Variants in AP5Z1 observed in about 807,000 individuals in gnomAD.
AP5Z1 encodes the protein adaptor related protein complex 5 subunit zeta 1, also known as AP-5 complex subunit zeta-1.
Under a neutral mutation model 83.0 loss-of-function variants are expected in AP5Z1, and 106 were observed. That is an observed-to-expected ratio of 1.28 (90% CI 1.09 to 1.50). The LOEUF is 1.50. AP5Z1 is among the 40% of genes most tolerant of loss of function. The probability of loss-of-function intolerance (pLI) is 0.00; values close to 1 mark genes in which losing one functional copy is unlikely to be tolerated. For missense variants in AP5Z1, 1,565 were observed against 1,094.2 expected (o/e 1.43, Z -6.07); for synonymous variants, 751 against 514.1 (o/e 1.46, Z -6.23).
Position 4,788,861 on chromosome 7 carries a change from G to A in AP5Z1, c.1617G>A (p.Leu539=), listed in dbSNP as rs569601905. The A allele has an allele frequency of 6.2e-7, 1 of 1,608,686 alleles. No individual in the cohort carries two copies. Among genetic ancestry groups the A allele is most frequent in the South Asian group, 1.1e-5 (1 of 90,708 alleles). Residue 539 remains leucine (L), a synonymous_variant, in exon 13 of 17, where the codon CTG becomes CTA. Coordinates refer to ENST00000649063, the MANE Select transcript of AP5Z1 (RefSeq NM_014855.3). The stretch of plus-strand genomic sequence containing the variant: ...TCAGGTTGGCGCCACTCCACCAGCT[G>A]CTGCAGCCCATGGCCGGCTGTGCCC... The part of the protein sequence containing the change: ...ATERLAPLHQ[L]LQPMAGCARV...
intron 14 of AP5Z1, 158 bp downstream of exon 14, chr7:4,790,087 C>T (rs1781707131): frequency 1.5e-6 from 2 of 1,302,690 alleles, no homozygotes; most frequent in Non-Finnish European, 2.1e-6. Flanking sequence ...GCCCCACACC[C>T]AGCCCCAGGC....
Position 4,791,325 on chromosome 7 carries a change from C to A in AP5Z1, c.2364C>A (p.Pro788=), listed in dbSNP as rs1192733712. 1 of 1,609,874 alleles carries A rather than the reference C, an allele frequency of 6.2e-7. No homozygotes were observed. The highest frequency in any genetic ancestry group is 2.2e-5 in the East Asian group (1 of 44,794). ...ACCGCGATGCCAACACGGCCCTGCC[C>A]CTGGCCCTGCGCACGGTCAGCCGGC... ...RYHRDANTAL[P]LALRTVSRLV... The change falls in exon 17 of 17, where the codon CCC becomes CCA. Residue 788 remains proline, a synonymous_variant. Transcript: ENST00000649063.
At position 4,775,724 on chromosome 7, in the gene AP5Z1, G is replaced by C. The variant is rs1282231099; in HGVS notation, c.9G>C (p.Ser3=). The change falls in exon 1 of 17, where the codon TCG becomes TCC. Residue 3 remains serine (S), a synonymous_variant. Transcript: ENST00000649063. ...CTGGTGGCGGCGGCGTGATGTTCTC[G>C]GCAGGAGCGGAGAGTTTGCTCCACC... MF[S]AGAESLLHQA... 2 of 1,606,512 alleles carry C rather than the reference G, an allele frequency of 1.2e-6. No individual in the cohort carries two copies. Among genetic ancestry groups the C allele is most frequent in the East Asian group, 2.2e-5 (1 of 44,844 alleles).
chr7:4,787,915 C>A, intron 11 of AP5Z1, 139 bp downstream of exon 11: 1 of 1,221,136 alleles, frequency 8.2e-7, no homozygotes, highest in South Asian at 1.6e-5. Flanking sequence ...TCCTCCCCTG[C>A]AAAGCCACCT....
Position 4,789,813 on chromosome 7 carries a change from T to A in AP5Z1, c.1708-19T>A. ...CAGTGGGGGTGGGGCTGAGCCTGTT[T>A]CCCACTCCTGACCCCCAGGTGGCTG... On this transcript the variant is annotated intron_variant, in intron 13 of 16. Coordinates refer to ENST00000649063, the MANE Select transcript of AP5Z1 (RefSeq NM_014855.3). 1.3e-6 allele frequency: 2 copies of A among 1,548,550 alleles called. No individual in the cohort carries two copies. The highest frequency in any genetic ancestry group is 1.7e-6 in the Non-Finnish European group (2 of 1,145,232).
rs1781843250 is a variant in AP5Z1 at position 4,793,238 on chromosome 7, A to C, written c.*1853A>C. 1 of 152,310 alleles carries C rather than the reference A, an allele frequency of 6.6e-6. No homozygotes were observed. The highest frequency in any genetic ancestry group is 1.5e-5 in the Non-Finnish European group (1 of 68,062). 9.4% of individuals were successfully genotyped at this position (152,310 alleles called of 1,614,324 possible). A position where few individuals can be genotyped will look rare whatever the true frequency, so the allele number is the denominator to read the frequency against. On this transcript the variant is annotated 3_prime_UTR_variant, in exon 17 of 17. Coordinates refer to ENST00000649063, the MANE Select transcript of AP5Z1 (RefSeq NM_014855.3). The stretch of plus-strand genomic sequence containing the variant: ...CCAGGAGGCAGCTGGGAAAAGGGCA[A>C]AGCTCACCAGCTCTCAACTTTTTTT...
rs1562414945 is a variant in AP5Z1, at chr7:4,790,787, CGCCCCTCTGCT to C, written c.2058_2068del (p.Ser687AlafsTer72). ...TCTGCTATTCGAGGTCACCCAGTGC[CGCCCCTCTGCT>C]GCCCTGCCCAGGTGTCCCCCCCAGG... On this transcript the variant is annotated frameshift_variant, in exon 16 of 17. Transcript: ENST00000649063. LOFTEE classifies it high-confidence loss of function. 6 of 1,608,858 alleles carry C rather than the reference CGCCCCTCTGCT, an allele frequency of 3.7e-6. No individual in the cohort carries two copies. Among genetic ancestry groups the C allele is most frequent in the Non-Finnish European group, 5.1e-6 (6 of 1,178,720 alleles).
intron 1 of AP5Z1, among the ~76,000 whole-genome samples, chr7:4,777,274 C>G (rs1407843884): frequency 6.6e-6 from 1 of 152,120 alleles, no homozygotes; most frequent in East Asian, 1.9e-4. Context: ...AGGAAAAACA[C>G]CCACTGAGAA....
At chr7:4,787,361 C>T (rs952829951) in intron 10 of AP5Z1, among the ~76,000 whole-genome samples, 2 of 152,078 alleles carry the variant, frequency 1.3e-5, no homozygotes, top group Admixed American at 6.5e-5. Context: ...TGGTGTGTGC[C>T]TGTAGTCTCA....
Position 4,791,597 on chromosome 7 carries a change from C to G in AP5Z1, c.*212C>G, listed in dbSNP as rs1781776744. 1.5e-6 allele frequency: 1 copy of G among 688,912 alleles called. No homozygotes were observed. The highest frequency in any genetic ancestry group is 2.4e-6 in the Non-Finnish European group (1 of 424,290). 42.7% of individuals were successfully genotyped at this position (688,912 alleles called of 1,614,324 possible). A position where few individuals can be genotyped will look rare whatever the true frequency, so the allele number is the denominator to read the frequency against. ...CCGAGCCTTTTGCTCCCAGGCAACA[C>G]TGAGCTGAGCTGAGGGGTGCCATGG... On this transcript the variant is annotated 3_prime_UTR_variant, in exon 17 of 17. Coordinates refer to ENST00000649063, the MANE Select transcript of AP5Z1 (RefSeq NM_014855.3).
At chr7:4,786,894 C>T (rs1319425561) in intron 10 of AP5Z1, among the ~76,000 whole-genome samples, 1 of 152,144 alleles carries the variant, frequency 6.6e-6, no homozygotes, top group African/African-American at 2.4e-5. Flanking sequence ...CGTCAGCCAC[C>T]TGAGTAGTTG....
intron 1 of AP5Z1, among the ~76,000 whole-genome samples, chr7:4,780,874 C>G (rs1781362580): frequency 6.6e-6 from 1 of 152,160 alleles, no homozygotes; most frequent in African/African-American, 2.4e-5. Context: ...AATGAGACCC[C>G]TAAAAAGAAT....
rs779038735 is a variant in AP5Z1, at chr7:4,785,465, G to T, written c.969+13G>T. ...CCTGCAGAAAGCTGTAAGTGGCTGG[G>T]GACCAGGGGATGGGAGGCAGCGACT... On this transcript the variant is annotated intron_variant, in intron 8 of 16. Coordinates refer to ENST00000649063, the MANE Select transcript of AP5Z1 (RefSeq NM_014855.3). 6.2e-7 allele frequency: 1 copy of T among 1,613,222 alleles called. No individual in the cohort carries two copies.
chr7:4,791,085 G>A (rs772886748), intron 16 of AP5Z1, 30 bp from the exon 17 acceptor site: 10 of 1,540,162 alleles, frequency 6.5e-6, no homozygotes, highest in Non-Finnish European at 7.9e-6. Flanking sequence ...GGGAGCATCT[G>A]CAGCTGACGG....
chr7:4,777,725 C>G (rs1312606895), intron 1 of AP5Z1, among the ~76,000 whole-genome samples: 2 of 152,138 alleles, frequency 1.3e-5, no homozygotes, highest in Non-Finnish European at 2.9e-5. Flanking sequence ...TCTCTGCCTC[C>G]CTGGCTCGGG....
chr7:4,776,697 T>C (rs112620119), intron 1 of AP5Z1, among the ~76,000 whole-genome samples: 19,613 of 151,890 alleles, frequency 0.13, 2,164 homozygotes, highest in African/African-American at 0.3. Context: ...ATGGCGCCAC[T>C]GCACTCCAGG....
Position 4,783,776 on chromosome 7 carries a change from T to C in AP5Z1, c.599T>C (p.Phe200Ser), listed in dbSNP as rs984863672. 1.9e-6 allele frequency: 3 copies of C among 1,549,642 alleles called. No homozygotes were observed. The highest frequency in any genetic ancestry group is 2.7e-5 in the African/African-American group (2 of 73,026). The change falls in exon 5 of 17, where the codon TTC (phenylalanine) becomes TCC (serine). Residue 200 changes from phenylalanine to serine, a missense_variant. By Grantham distance (155) the Phe-to-Ser change is radical. Coordinates refer to ENST00000649063, the MANE Select transcript of AP5Z1 (RefSeq NM_014855.3). The part of the protein sequence containing the change: ...QQGLPHSGGF[F>S]STPRARQPGP... ...GGGCTCCCACACTCCGGCGGCTTCT[T>C]CTCCACGCCCAGGGCCCGGCAGGTG... is the stretch of plus-strand genomic sequence containing the variant.
rs752742753 is a variant in AP5Z1, at chr7:4,790,694, C to G, written c.1960C>G (p.Leu654Val). 1.9e-6 allele frequency: 3 copies of G among 1,611,740 alleles called. No individual in the cohort carries two copies. The highest frequency in any genetic ancestry group is 1.1e-5 in the South Asian group (1 of 90,948). ...CTAGGTGTGGGCCATCGGCGAGTAC[C>G]TGTCGGTGACCTACGATCGGAGGTG... Reference protein sequence around the residue: ...TSVVWAIGEYLSVTYDRRCTV... With the variant: ...TSVVWAIGEYVSVTYDRRCTV... The change falls in exon 16 of 17, where the codon CTG becomes GTG. Residue 654 changes from leucine (L) to valine (V), a missense_variant. Coordinates refer to ENST00000649063, the MANE Select transcript of AP5Z1 (RefSeq NM_014855.3).
chr7:4,783,901 G>A, intron 5 of AP5Z1, 103 bp downstream of exon 5: 1 of 1,274,360 alleles, frequency 7.8e-7, no homozygotes, highest in Admixed American at 2.2e-5. Context: ...TCGTTCCGCG[G>A]GGTCCAGGAC....
Sources: allele counts gnomAD v4.1 joint callset (sites outside exome capture counted in the v4.1 genomes callset), GRCh38; gene constraint gnomAD v4.1.1; transcripts MANE v1.5; gene names NCBI Gene and HGNC (gene_info 2026-07-23, HGNC 2026-07-21).